The following NCOA3 variants were observed in gnomAD, a reference collection of about 807,000 sequenced individuals.
The protein encoded by NCOA3 is CBP-interacting protein.
A neutral mutation model predicts 158.8 loss-of-function variants in NCOA3; 51 were observed. The observed-to-expected ratio is 0.32, with a 90% CI of 0.26 to 0.41. NCOA3 has a LOEUF of 0.41. Among genes scored for constraint, NCOA3 ranks in the 10% least tolerant of loss-of-function variants. The pLI is 1.00. For synonymous variants in NCOA3, 537 were observed against 592.4 expected (o/e 0.91, Z 1.36); for missense variants, 1,510 against 1,746.6 (o/e 0.86, Z 2.41).
chr20:47,530,413 G>C (rs930364636), intron 1 of NCOA3, among the ~76,000 whole-genome samples: 14 of 150,988 alleles, frequency 9.3e-5, no homozygotes, highest in Non-Finnish European at 1.6e-4. Context: ...AAAAAGATTT[G>C]CATAGCTCAG....
intron 2 of NCOA3, among the ~76,000 whole-genome samples, chr20:47,585,121 G>A (rs1219319497): frequency 7.5e-6 from 1 of 134,170 alleles, no homozygotes; most frequent in East Asian, 2.2e-4. Flanking sequence ...GTGTGATCTC[G>A]GCTTACTGCA....
In NCOA3 at chr20:47,628,033, C is replaced by CT. The variant is rs745658404; in HGVS notation, c.823+17dup. 19 of 1,587,948 alleles carry CT rather than the reference C, an allele frequency of 1.2e-5. No individual in the cohort carries two copies. Among genetic ancestry groups the CT allele is most frequent in the African/African-American group, 9.4e-5 (7 of 74,264 alleles). On this transcript the variant is annotated intron_variant, in intron 8 of 22. Transcript: ENST00000371998. ...AGACATGATCTTTCAGGTAAAAACT[C>CT]TTTTTTTGTCTCTCTCTCTCTCTGT...
chr20:47,641,918 C>T (rs72645278), intron 16 of NCOA3, among the ~76,000 whole-genome samples: 1 of 152,222 alleles, frequency 6.6e-6, no homozygotes, highest in African/African-American at 2.4e-5. Context: ...CTACCCTCCC[C>T]CTGGCCCCCA....
intron 1 of NCOA3, among the ~76,000 whole-genome samples, chr20:47,567,071 C>T (rs187780233): frequency 1.6e-4 from 23 of 142,262 alleles, no homozygotes; most frequent in African/African-American, 4.8e-4. Context: ...TATTTTGAGA[C>T]GGAGTCTTGC....
intron 2 of NCOA3, among the ~76,000 whole-genome samples, chr20:47,608,401 G>GCCGA (rs1033469001): frequency 9.2e-5 from 14 of 152,046 alleles, no homozygotes; most frequent in African/African-American, 3.4e-4. Context: ...ACTTTGTGAG[G>GCCGA]CCGAGGTGGG....
At chr20:47,540,805 A>G (rs1012005998) in intron 1 of NCOA3, among the ~76,000 whole-genome samples, 2 of 152,174 alleles carry the variant, frequency 1.3e-5, no homozygotes, top group Admixed American at 6.6e-5. Flanking sequence ...TGCCAAATAA[A>G]TTGTACAAAT....
intron 17 of NCOA3, among the ~76,000 whole-genome samples, chr20:47,646,151 C>T (rs1404435122): frequency 1.3e-5 from 2 of 152,178 alleles, no homozygotes; most frequent in Non-Finnish European, 2.9e-5. Flanking sequence ...TGCACATCCT[C>T]CCACATAGTT....
chr20:47,591,727 G>A (rs2085643998), intron 2 of NCOA3, among the ~76,000 whole-genome samples: 2 of 149,636 alleles, frequency 1.3e-5, no homozygotes. Context: ...TTGTTCTGTG[G>A]TGTTGTAACC....
Position 47,624,051 on chromosome 20 carries a change from CAGTA to C in NCOA3, c.227_230del (p.Val76AspfsTer6). 6.2e-7 allele frequency: 1 copy of C among 1,610,570 alleles called. No homozygotes were observed. The highest frequency in any genetic ancestry group is 8.5e-7 in the Non-Finnish European group (1 of 1,178,910). On this transcript the variant is annotated frameshift_variant, in exon 4 of 23. Transcript: ENST00000371998. LOFTEE classifies it high-confidence loss of function. ...GATAAATGTGCGATTTTAAAGGAAACAGTAAGACAGATACGTCAAATAAAAGAGC... is the reference window on the plus strand; with the variant it reads ...GATAAATGTGCGATTTTAAAGGAAACAGACAGATACGTCAAATAAAAGAGC...
intron 1 of NCOA3, among the ~76,000 whole-genome samples, chr20:47,529,613 A>G (rs1329270824): frequency 6.6e-6 from 1 of 152,282 alleles, no homozygotes; most frequent in Admixed American, 6.5e-5. Flanking sequence ...GAGTTTTGCC[A>G]TGTTGGCTGG....
At chr20:47,525,616 A>ACC (rs1176855560) in intron 1 of NCOA3, among the ~76,000 whole-genome samples, 2 of 96,712 alleles carry the variant, frequency 2.1e-5, no homozygotes, top group African/African-American at 1.1e-4. Flanking sequence ...CGGGGGGCTG[A>ACC]CCCCCCCACC....
At chr20:47,589,438 C>T (rs1029150841) in intron 2 of NCOA3, among the ~76,000 whole-genome samples, 1 of 152,066 alleles carries the variant, frequency 6.6e-6, no homozygotes, top group Non-Finnish European at 1.5e-5. Context: ...TGCAGTGGCG[C>T]ACCCTCAGCT....
At chr20:47,559,664 T>A (rs2085067598) in intron 1 of NCOA3, among the ~76,000 whole-genome samples, 1 of 151,992 alleles carries the variant, frequency 6.6e-6, no homozygotes, top group African/African-American at 2.4e-5. Context: ...GCGGATCACT[T>A]GAGGTCAGGA....
In NCOA3 at chr20:47,578,107, C is replaced by G. The variant is rs79745132; in HGVS notation, c.-98-5076C>G. Reference sequence around the variant, plus strand: ...ACTTAATTGAACATACAATAATGGACTAAGTAATGGGAAAAAAAAATTCTT... The same window carrying G: ...ACTTAATTGAACATACAATAATGGAGTAAGTAATGGGAAAAAAAAATTCTT... On this transcript the variant is annotated intron_variant, in intron 1 of 22. Transcript: ENST00000371998. 5.0e-3 allele frequency among the ~76,000 whole-genome samples: 763 copies of G among 151,828 alleles called. 1 individual carries two copies. Among genetic ancestry groups the G allele is most frequent in the Non-Finnish European group, 8.6e-3 (584 of 67,928 alleles).
At chr20:47,528,545 C>G (rs2084493908) in intron 1 of NCOA3, among the ~76,000 whole-genome samples, 1 of 152,166 alleles carries the variant, frequency 6.6e-6, no homozygotes, top group Non-Finnish European at 1.5e-5. Flanking sequence ...TGGCTTACCT[C>G]TATTAGTATA....
At chr20:47,608,740 C>A (rs758628673) in intron 2 of NCOA3, among the ~76,000 whole-genome samples, 3 of 151,836 alleles carry the variant, frequency 2.0e-5, no homozygotes, top group African/African-American at 4.8e-5. Flanking sequence ...TACAGGTTTC[C>A]AGTTTTTAAG....
At chr20:47,564,726 A>C (rs750440168) in intron 1 of NCOA3, among the ~76,000 whole-genome samples, 8 of 152,156 alleles carry the variant, frequency 5.3e-5, no homozygotes, top group Non-Finnish European at 1.0e-4. Context: ...TTTTGCCACA[A>C]TACCATTTTC....
At chr20:47,529,147 T>G (rs976030884) in intron 1 of NCOA3, among the ~76,000 whole-genome samples, 1 of 151,670 alleles carries the variant, frequency 6.6e-6, no homozygotes, top group African/African-American at 2.4e-5. Flanking sequence ...CTTTTTTTTT[T>G]TTTGAGATGG....
At chr20:47,511,560 T>TATATATACACACACACATACACATATA (rs1569310982) in intron 1 of NCOA3, among the ~76,000 whole-genome samples, 2 of 5,512 alleles carry the variant, frequency 3.6e-4, no homozygotes, top group Non-Finnish European at 1.3e-3. Flanking sequence ...TATATATTTC[T>TATATATACACACACACATACACATATA]TTTTTTTTTT....
Sources: gnomAD v4.1 joint callset for allele counts (sites outside exome capture counted in the v4.1 genomes callset) on GRCh38, gnomAD v4.1.1 for gene constraint, MANE v1.5 for transcripts, NCBI Gene and HGNC (gene_info 2026-07-23, HGNC 2026-07-21) for gene names.